Variants in TSPAN5 observed in about 807,000 individuals in gnomAD.
TSPAN5 encodes the protein tetraspanin-5.
A neutral mutation model predicts 37.1 loss-of-function variants in TSPAN5; 10 were observed. That is an observed-to-expected ratio of 0.27 (90% CI 0.17 to 0.46). The LOEUF is 0.46. TSPAN5 is among the 20% of genes least tolerant of loss of function. The pLI, the probability that TSPAN5 is intolerant of heterozygous loss-of-function variation, is 1.00. For missense variants in TSPAN5, 195 were observed against 326.6 expected, an observed-to-expected ratio of 0.60 and a Z score of 3.11; for synonymous variants, 110 against 118.9, an observed-to-expected ratio of 0.93 and a Z score of 0.48.
At position 98,560,866 on chromosome 4, in the gene TSPAN5, A is replaced by G. The variant is rs72902278; in HGVS notation, c.82-53138T>C. On this transcript the variant is annotated intron_variant, in intron 1 of 7. Coordinates refer to ENST00000305798, the MANE Select transcript of TSPAN5 (RefSeq NM_005723.4). The stretch of plus-strand genomic sequence containing the variant: ...AGAAGTTTCAGATGAGCTGAGATTT[A>G]AATGAAGTGAGTGGCAAATGTTGCA... Among the ~76,000 whole-genome samples the G allele has an allele frequency of 9.9e-3, 1,511 of 152,374 alleles. 28 individuals carry two copies. Among genetic ancestry groups the G allele is most frequent in the African/African-American group, 0.034 (1,403 of 41,588 alleles).
chr4:98,608,916 G>GAAACA (rs561995435), intron 1 of TSPAN5, among the ~76,000 whole-genome samples: 16 of 152,038 alleles, frequency 1.1e-4, no homozygotes, highest in Admixed American at 5.2e-4. Context: ...GCTCCCACAG[G>GAAACA]AAACAAAACA....
chr4:98,610,891 T>TC (rs543194013), intron 1 of TSPAN5, among the ~76,000 whole-genome samples: 29 of 152,242 alleles, frequency 1.9e-4, no homozygotes, highest in African/African-American at 7.0e-4. Flanking sequence ...GGCATGTGAT[T>TC]CCCCCTGACC....
chr4:98,504,488 C>A (rs1035396091), intron 2 of TSPAN5, among the ~76,000 whole-genome samples: 1 of 152,180 alleles, frequency 6.6e-6, no homozygotes, highest in African/African-American at 2.4e-5. Context: ...TTCTCTGGTC[C>A]ATGGATTGGA....
At chr4:98,551,899 T>A (rs1006663247) in intron 1 of TSPAN5, among the ~76,000 whole-genome samples, 1 of 152,138 alleles carries the variant, frequency 6.6e-6, no homozygotes, top group Non-Finnish European at 1.5e-5. Flanking sequence ...CTACTCATCA[T>A]TGGTCTGTGC....
At chr4:98,527,728 C>T (rs1753991043) in intron 1 of TSPAN5, among the ~76,000 whole-genome samples, 1 of 152,130 alleles carries the variant, frequency 6.6e-6, no homozygotes, top group Admixed American at 6.5e-5. Context: ...TGAGGACTAA[C>T]GGTGTAATCT....
intron 3 of TSPAN5, chr4:98,484,262 T>G (rs565367803): frequency 7.2e-5 from 26 of 363,622 alleles, no homozygotes; most frequent in Non-Finnish European, 1.3e-4. Context: ...CCCTAGAGCC[T>G]CGGTCAACCA....
chr4:98,640,022 A>G (rs1172549048), intron 1 of TSPAN5, among the ~76,000 whole-genome samples: 1 of 152,196 alleles, frequency 6.6e-6, no homozygotes, highest in East Asian at 1.9e-4. Flanking sequence ...TTCCTTTACT[A>G]TAACATCAAT....
intron 1 of TSPAN5, among the ~76,000 whole-genome samples, chr4:98,598,525 C>T (rs181767202): frequency 4.6e-4 from 70 of 152,084 alleles, no homozygotes; most frequent in Non-Finnish European, 5.9e-4. Context: ...AGTGCAGTGG[C>T]GCGGTCTGTG....
At chr4:98,572,927 C>A (rs1475723891) in intron 1 of TSPAN5, among the ~76,000 whole-genome samples, 3 of 152,180 alleles carry the variant, frequency 2.0e-5, no homozygotes, top group Non-Finnish European at 4.4e-5. Context: ...AAGAATCTTG[C>A]CCACTGCATA....
chr4:98,478,896 C>T, intron 4 of TSPAN5, 86 bp from the exon 5 acceptor site: 2 of 1,511,462 alleles, frequency 1.3e-6, no homozygotes, highest in Non-Finnish European at 1.8e-6. Context: ...ACACCAGCTT[C>T]TGCCAGCTCT....
intron 1 of TSPAN5, among the ~76,000 whole-genome samples, chr4:98,621,524 C>T (rs545855495): frequency 2.0e-5 from 3 of 152,014 alleles, no homozygotes; most frequent in Non-Finnish European, 2.9e-5. Flanking sequence ...ACCGCCACCA[C>T]GTCCGGCTAA....
intron 1 of TSPAN5, among the ~76,000 whole-genome samples, chr4:98,605,139 T>TTTG (rs931683169): frequency 1.1e-4 from 16 of 152,322 alleles, no homozygotes; most frequent in South Asian, 4.1e-4. Context: ...TTTTCTCTTT[T>TTTG]TTGTTGTTGT....
chr4:98,499,657 C>CTTTTTTTTTTT (rs757802654), intron 2 of TSPAN5, among the ~76,000 whole-genome samples: 1 of 108,090 alleles, frequency 9.3e-6, no homozygotes, highest in Non-Finnish European at 1.8e-5. Flanking sequence ...GTTTCCAGCT[C>CTTTTTTTTTTT]TTTTTTTTTT....
intron 1 of TSPAN5, among the ~76,000 whole-genome samples, chr4:98,610,521 G>A (rs774361750): frequency 3.3e-5 from 5 of 152,118 alleles, no homozygotes; most frequent in Non-Finnish European, 7.4e-5. Flanking sequence ...ACATAAGTAG[G>A]CCCTTCATGA....
rs561933621 is a variant in TSPAN5, at chr4:98,641,910, G to A, written c.81+16236C>T. ...ACTGGGGTCTTTGCTTAAAATTTTG[G>A]TTAGGAAAACAAAGGATTCCACTAT... On this transcript the variant is annotated intron_variant, in intron 1 of 7. Coordinates refer to ENST00000305798, the MANE Select transcript of TSPAN5 (RefSeq NM_005723.4). Among the ~76,000 whole-genome samples, 30 of 152,260 alleles carry A rather than the reference G, an allele frequency of 2.0e-4. No individual in the cohort carries two copies. In the South Asian group the frequency reaches 4.1e-3, roughly 21 times the overall value.
At chr4:98,510,772 GAA>G (rs1753585517) in intron 1 of TSPAN5, among the ~76,000 whole-genome samples, 3 of 152,118 alleles carry the variant, frequency 2.0e-5, no homozygotes, top group Admixed American at 2.0e-4. Context: ...GAAGTTAAGG[GAA>G]ACACTCAATA....
intron 2 of TSPAN5, among the ~76,000 whole-genome samples, chr4:98,490,684 T>C (rs2110268707): frequency 6.6e-6 from 1 of 152,344 alleles, no homozygotes; most frequent in African/African-American, 2.4e-5. Context: ...TCAAATCTTT[T>C]TTTTCCTGGG....
At chr4:98,494,553 G>A (rs62323580) in intron 2 of TSPAN5, among the ~76,000 whole-genome samples, 39 of 151,650 alleles carry the variant, frequency 2.6e-4, no homozygotes, top group African/African-American at 6.5e-4. Context: ...AGGTTATTAT[G>A]AGGATGATGG....
chr4:98,641,574 G>A (rs914461225), intron 1 of TSPAN5, among the ~76,000 whole-genome samples: 4 of 152,152 alleles, frequency 2.6e-5, no homozygotes, highest in Admixed American at 6.5e-5. Flanking sequence ...TAATCAAAAC[G>A]ACTGCGCCAA....
Sources: allele counts gnomAD v4.1 joint callset (sites outside exome capture counted in the v4.1 genomes callset), GRCh38; gene constraint gnomAD v4.1.1; transcripts MANE v1.5; gene names NCBI Gene and HGNC (gene_info 2026-07-23, HGNC 2026-07-21).